The following EBF1 variants were observed in gnomAD, a reference collection of about 807,000 sequenced individuals.
The protein encoded by EBF1 is transcription factor COE1.
In EBF1, 10 loss-of-function variants were observed where a neutral mutation model predicts 68.4. The observed-to-expected ratio is 0.15, with a 90% CI of 0.09 to 0.25. The LOEUF is 0.25. Ranked by LOEUF, EBF1 falls within the 10% of genes least tolerant of loss-of-function variation. The pLI, the probability that EBF1 is intolerant of heterozygous loss-of-function variation, is 1.00. For synonymous variants in EBF1, 298 were observed against 299.8 expected, an observed-to-expected ratio of 0.99 and a Z score of 0.06; for missense variants, 509 against 794.4, an observed-to-expected ratio of 0.64 and a Z score of 4.32.
At chr5:158,760,498 T>C (rs1269944049) in intron 10 of EBF1, among the ~76,000 whole-genome samples, 1 of 152,182 alleles carries the variant, frequency 6.6e-6, no homozygotes, top group East Asian at 1.9e-4. Flanking sequence ...GCCAATGTGT[T>C]ATTAAGACCA....
chr5:158,715,127 A>C (rs1478172398), intron 11 of EBF1, among the ~76,000 whole-genome samples: 1 of 152,184 alleles, frequency 6.6e-6, no homozygotes, highest in Non-Finnish European at 1.5e-5. Flanking sequence ...GATGCATGTA[A>C]AAGGTAGGGG....
intron 10 of EBF1, among the ~76,000 whole-genome samples, chr5:158,739,269 G>A (rs1049452749): frequency 6.6e-5 from 10 of 152,172 alleles, no homozygotes; most frequent in African/African-American, 2.4e-4. Flanking sequence ...GCCCTGGAGG[G>A]CTATACTGTG....
At chr5:158,923,229 T>TA (rs1808828074) in intron 6 of EBF1, among the ~76,000 whole-genome samples, 1 of 152,170 alleles carries the variant, frequency 6.6e-6, no homozygotes, top group Non-Finnish European at 1.5e-5. Context: ...CCAATGGGGG[T>TA]AAAATTTTTT....
chr5:159,013,060 GC>G (rs1561792572), intron 6 of EBF1, among the ~76,000 whole-genome samples: 1 of 152,176 alleles, frequency 6.6e-6, no homozygotes, highest in Non-Finnish European at 1.5e-5. Flanking sequence ...TGCTGTTTAG[GC>G]CACCTGGTCT....
chr5:158,892,061 C>T (rs527447391), intron 6 of EBF1, among the ~76,000 whole-genome samples: 5 of 152,052 alleles, frequency 3.3e-5, no homozygotes, highest in Non-Finnish European at 7.4e-5. Flanking sequence ...AGATATTTCC[C>T]TTCATTTTAT....
At chr5:159,021,976 G>A (rs779084547) in intron 6 of EBF1, among the ~76,000 whole-genome samples, 11 of 147,644 alleles carry the variant, frequency 7.5e-5, no homozygotes, top group Non-Finnish European at 1.3e-4. Context: ...CGCTGTGTTG[G>A]ATACACTCGA....
At chr5:159,038,283 G>T (rs1028052630) in intron 6 of EBF1, among the ~76,000 whole-genome samples, 1 of 152,220 alleles carries the variant, frequency 6.6e-6, no homozygotes, top group Non-Finnish European at 1.5e-5. Flanking sequence ...GGAAATGAGG[G>T]GGGAAACCCA....
At chr5:158,951,385 C>G (rs2127501757) in intron 6 of EBF1, among the ~76,000 whole-genome samples, 1 of 152,328 alleles carries the variant, frequency 6.6e-6, no homozygotes, top group East Asian at 1.9e-4. Flanking sequence ...GCCCCTCCTT[C>G]TCTACTCCAT....
At chr5:158,814,379 T>C (rs1228669158) in intron 8 of EBF1, among the ~76,000 whole-genome samples, 1 of 152,156 alleles carries the variant, frequency 6.6e-6, no homozygotes, top group African/African-American at 2.4e-5. Flanking sequence ...AGTCCTGTCA[T>C]TTCTGGCCAA....
chr5:158,934,431 G>T (rs1811548122), intron 6 of EBF1, among the ~76,000 whole-genome samples: 1 of 152,162 alleles, frequency 6.6e-6, no homozygotes. Context: ...TATGAGGGGA[G>T]GTCATTTGAA....
intron 8 of EBF1, among the ~76,000 whole-genome samples, chr5:158,807,564 A>T (rs1276414752): frequency 6.6e-6 from 1 of 152,178 alleles, no homozygotes; most frequent in Non-Finnish European, 1.5e-5. Context: ...GGCTGGATTC[A>T]GTTCATGATC....
Position 158,961,857 on chromosome 5 carries a change from G to A in EBF1, c.554+111539C>T, listed in dbSNP as rs375767457. The stretch of plus-strand genomic sequence containing the variant: ...TCTAAGCTTCTGAGGGAAAGAGAGC[G>A]AATTTTTTTAGGAAGAGAGAAAAAT... On this transcript the variant is annotated intron_variant, in intron 6 of 15. Transcript: ENST00000313708. Among the ~76,000 whole-genome samples the A allele has an allele frequency of 3.9e-5, 6 of 152,152 alleles. No individual in the cohort carries two copies. In the East Asian group the frequency reaches 7.7e-4, roughly 20 times the overall value.
intron 4 of EBF1, among the ~76,000 whole-genome samples, chr5:159,094,165 CAAAAAAAAAAAAAA>C (rs869228922): frequency 1.0e-3 from 22 of 21,876 alleles, no homozygotes; most frequent in East Asian, 7.1e-3. Flanking sequence ...CCTTGGAAGG[CAAAAAAAAAAAAAA>C]AAAAAAAAAA....
intron 10 of EBF1, among the ~76,000 whole-genome samples, chr5:158,750,432 C>G (rs902689102): frequency 6.6e-6 from 1 of 151,826 alleles, no homozygotes; most frequent in Admixed American, 6.6e-5. Flanking sequence ...TGATCTATTT[C>G]CTAACTGGGC....
chr5:158,940,006 A>AG (rs1812897014), intron 6 of EBF1, among the ~76,000 whole-genome samples: 1 of 152,202 alleles, frequency 6.6e-6, no homozygotes, highest in Non-Finnish European at 1.5e-5. Context: ...GGCTTCACCC[A>AG]GGGGCTTTCC....
In EBF1 at chr5:158,713,092, C is replaced by T. The variant is rs755850355; in HGVS notation, c.1247G>A (p.Arg416His). The change falls in exon 13 of 16, where the codon CGC becomes CAC. Residue 416 changes from arginine (R) to histidine (H), a missense_variant. Transcript: ENST00000313708. ...AAGGGCCGGGAGTTGGTTGTGGTTG[C>T]GGGGAACACTGTACAGGGCCTCGGC... is the stretch of plus-strand genomic sequence containing the variant. ...DIAEALYSVPRNHNQLPALAN... is the reference protein window; with the variant it reads ...DIAEALYSVPHNHNQLPALAN... The T allele has an allele frequency of 1.8e-5, 29 of 1,597,004 alleles. No individual in the cohort carries two copies. The highest frequency in any genetic ancestry group is 2.1e-5 in the Non-Finnish European group (25 of 1,170,426).
At chr5:158,771,289 C>G (rs929112284) in intron 10 of EBF1, among the ~76,000 whole-genome samples, 1 of 152,184 alleles carries the variant, frequency 6.6e-6, no homozygotes, top group Non-Finnish European at 1.5e-5. Flanking sequence ...TACATTAACC[C>G]TTTTACTCCT....
chr5:159,093,200 G>A (rs1781968455), intron 4 of EBF1, among the ~76,000 whole-genome samples: 1 of 152,114 alleles, frequency 6.6e-6, no homozygotes, highest in Admixed American at 6.6e-5. Flanking sequence ...CAAAACTCTT[G>A]CAGCACATAA....
intron 6 of EBF1, among the ~76,000 whole-genome samples, chr5:158,844,348 T>C (rs1307642401): frequency 6.6e-6 from 1 of 152,090 alleles, no homozygotes; most frequent in Non-Finnish European, 1.5e-5. Flanking sequence ...CTCACGGAAT[T>C]TCTATAAATT....
Sources: allele counts gnomAD v4.1 joint callset (sites outside exome capture counted in the v4.1 genomes callset), GRCh38; gene constraint gnomAD v4.1.1; transcripts MANE v1.5; gene names NCBI Gene and HGNC (gene_info 2026-07-23, HGNC 2026-07-21).